Variants in BCL11B observed in about 807,000 individuals in gnomAD.
BCL11B encodes BCL11 transcription factor B.
BCL11B carries 8 observed loss-of-function variants against 49.9 expected under a neutral mutation model. The ratio of observed to expected loss-of-function variants is 0.16; its 90% CI spans 0.09 to 0.29. The LOEUF (loss-of-function observed/expected upper bound fraction) is 0.29. Ranked by LOEUF, BCL11B falls within the 10% of genes least tolerant of loss-of-function variation. BCL11B has a pLI of 1.00. For synonymous variants in BCL11B, 739 were observed against 637.4 expected (o/e 1.16, Z -2.40); for missense variants, 1,006 against 1,351.0 (o/e 0.74, Z 4.00).
intron 3 of BCL11B, among the ~76,000 whole-genome samples, chr14:99,180,642 G>C (rs1319796162): frequency 6.6e-6 from 1 of 152,188 alleles, no homozygotes; most frequent in Non-Finnish European, 1.5e-5. Context: ...GAGACCAAAT[G>C]AGCTCCTGTA....
At chr14:99,229,777 G>C (rs1370599462) in intron 3 of BCL11B, among the ~76,000 whole-genome samples, 5 of 151,926 alleles carry the variant, frequency 3.3e-5, no homozygotes, top group African/African-American at 4.8e-5. Context: ...CGATAGCATG[G>C]CCCCCCCAGT....
chr14:99,199,453 T>G (rs1189065347), intron 3 of BCL11B, among the ~76,000 whole-genome samples: 1 of 152,240 alleles, frequency 6.6e-6, no homozygotes, highest in Non-Finnish European at 1.5e-5. Flanking sequence ...GCTGAGAATC[T>G]GCACAGACGC....
chr14:99,226,780 T>C (rs1595263871), intron 3 of BCL11B, among the ~76,000 whole-genome samples: 1 of 152,204 alleles, frequency 6.6e-6, no homozygotes, highest in Admixed American at 6.5e-5. Flanking sequence ...GAGAAAAGGA[T>C]AGATTCTATG....
rs74080349 is a variant in BCL11B at position 99,203,631 on chromosome 14, T to C, written c.641-27436A>G. The stretch of plus-strand genomic sequence containing the variant: ...TCCCTACTCACAAGGAGTTCATTCA[T>C]TCACTCATTCATTCAGTGAGTCATT... On this transcript the variant is annotated intron_variant, in intron 3 of 3. Coordinates refer to ENST00000357195, the MANE Select transcript of BCL11B (RefSeq NM_138576.4). Among the ~76,000 whole-genome samples, 1,078 of 152,280 alleles carry C rather than the reference T, an allele frequency of 7.1e-3. 8 individuals carry two copies. Among genetic ancestry groups the C allele is most frequent in the African/African-American group, 0.025 (1,023 of 41,546 alleles).
intron 2 of BCL11B, among the ~76,000 whole-genome samples, chr14:99,240,681 TA>T (rs1436346676): frequency 3.9e-5 from 6 of 152,234 alleles, no homozygotes; most frequent in African/African-American, 1.4e-4. Flanking sequence ...CCTTCTTACT[TA>T]TTTTTTGACG....
intron 3 of BCL11B, among the ~76,000 whole-genome samples, chr14:99,212,673 C>T (rs574392579): frequency 1.3e-5 from 2 of 152,158 alleles, no homozygotes; most frequent in Non-Finnish European, 2.9e-5. Context: ...GCCCCGACCT[C>T]AGCAGAGACT....
chr14:99,266,253 C>T (rs1889479388), intron 1 of BCL11B, among the ~76,000 whole-genome samples: 1 of 152,176 alleles, frequency 6.6e-6, no homozygotes, highest in Non-Finnish European at 1.5e-5. Context: ...GATTTCCATT[C>T]ATCAAGCTGT....
rs1005224901 is a variant in BCL11B, at chr14:99,195,181, C to G, written c.641-18986G>C. 2.6e-5 allele frequency among the ~76,000 whole-genome samples: 4 copies of G among 152,188 alleles called. No individual in the cohort carries two copies. The highest frequency in any genetic ancestry group is 6.5e-5 in the Admixed American group (1 of 15,278). On this transcript the variant is annotated intron_variant, in intron 3 of 3. Transcript: ENST00000357195. This position sits in a 1 kb window ranked among gnomAD's most constrained non-coding sequence, Gnocchi z 4.7. ...AAAGTACCTAAAGCAAGCCAAGATG[C>G]GTTCTCAGGAAAATATGTGGAGCGA...
Position 99,253,990 on chromosome 14 carries a change from G to A in BCL11B, c.427+3481C>T, listed in dbSNP as rs560851409. Reference sequence around the variant, plus strand: ...AAACAAATTTCCAAGGACCTCCTCCGTCCACAGCGAATGCTCAGCAGGGAG... The same window carrying A: ...AAACAAATTTCCAAGGACCTCCTCCATCCACAGCGAATGCTCAGCAGGGAG... On this transcript the variant is annotated intron_variant, in intron 2 of 3. Coordinates refer to ENST00000357195, the MANE Select transcript of BCL11B (RefSeq NM_138576.4). Among the ~76,000 whole-genome samples the A allele has an allele frequency of 3.9e-5, 6 of 152,290 alleles. No homozygotes were observed. The East Asian group carries it at 7.7e-4, about 20-fold the overall frequency.
At position 99,257,602 on chromosome 14, in the gene BCL11B, G is replaced by A. The variant is rs1889207328; in HGVS notation, c.296C>T (p.Pro99Leu). 1 of 1,614,120 alleles carries A rather than the reference G, an allele frequency of 6.2e-7. No homozygotes were observed. Among genetic ancestry groups the A allele is most frequent in the Non-Finnish European group, 8.5e-7 (1 of 1,180,000 alleles). Residue 99 changes from proline to leucine, a missense_variant, in exon 2 of 4, where the codon CCA (proline) becomes CTA (leucine). By Grantham distance (98) the Pro-to-Leu change is moderately conservative. Transcript: ENST00000357195. The surrounding 1 kb of genome is among the most constrained non-coding windows in gnomAD (Gnocchi z 6.2). Reference sequence around the variant, plus strand: ...CCTGAGCTCGGAGCGTGAGGAGGGTGGCGGGCTGTCCTTGTCCAGGGCCTT... The same window carrying A: ...CCTGAGCTCGGAGCGTGAGGAGGGTAGCGGGCTGTCCTTGTCCAGGGCCTT... Reference protein sequence around the residue: ...YDKALDKDSPPPSSRSELRKV... With the variant: ...YDKALDKDSPLPSSRSELRKV...
In BCL11B at chr14:99,192,140, T is replaced by C. The variant is rs1222095727; in HGVS notation, c.641-15945A>G. Among the ~76,000 whole-genome samples the C allele has an allele frequency of 2.0e-5, 3 of 152,156 alleles. No homozygotes were observed. The highest frequency in any genetic ancestry group is 7.2e-5 in the African/African-American group (3 of 41,418). ...TGTAGAAACACTCCAAATCAGAAAG[T>C]CAATTTTTCCTCTATTTGCAGCAGT... On this transcript the variant is annotated intron_variant, in intron 3 of 3. Coordinates refer to ENST00000357195, the MANE Select transcript of BCL11B (RefSeq NM_138576.4). The surrounding 1 kb of genome is among the most constrained non-coding windows in gnomAD (Gnocchi z 4.0).
chr14:99,245,930 G>A (rs1469445881), intron 2 of BCL11B, among the ~76,000 whole-genome samples: 1 of 152,110 alleles, frequency 6.6e-6, no homozygotes, highest in Non-Finnish European at 1.5e-5. Flanking sequence ...GGCTGCTGCT[G>A]GGCTGGGGAC....
intron 3 of BCL11B, among the ~76,000 whole-genome samples, chr14:99,186,960 A>G (rs993993957): frequency 2.6e-5 from 4 of 152,162 alleles, no homozygotes; most frequent in Non-Finnish European, 5.9e-5. Flanking sequence ...GGCAGGAGTT[A>G]AACGATTCCA....
At chr14:99,226,045 T>C (rs1240411307) in intron 3 of BCL11B, among the ~76,000 whole-genome samples, 2 of 152,144 alleles carry the variant, frequency 1.3e-5, no homozygotes, top group Middle Eastern at 3.4e-3. Flanking sequence ...GGTGCTAGGG[T>C]GGAATCAACA....
chr14:99,229,767 C>T (rs1257416), intron 3 of BCL11B, among the ~76,000 whole-genome samples: 98,596 of 151,804 alleles, frequency 0.65, 32,179 homozygotes, highest in Admixed American at 0.72. Context: ...GGCTGATCTT[C>T]GATAGCATGG....
rs1257421 is a variant in BCL11B, at chr14:99,184,597, G to C, written c.641-8402C>G. Among the ~76,000 whole-genome samples the C allele has an allele frequency of 0.71, 108,635 of 152,086 alleles. 40,373 individuals are homozygous for C. Among genetic ancestry groups the C allele is most frequent in the African/African-American group, 0.93 (38,450 of 41,532 alleles). ...ACCCGGGTCCGTCTGACCCCAGAGCGTGTGCTGGGGTCCAGACTCACAACT... is the reference window on the plus strand; with the variant it reads ...ACCCGGGTCCGTCTGACCCCAGAGCCTGTGCTGGGGTCCAGACTCACAACT... On this transcript the variant is annotated intron_variant, in intron 3 of 3. Transcript: ENST00000357195. This position sits in a 1 kb window ranked among gnomAD's most constrained non-coding sequence, Gnocchi z 6.1.
intron 3 of BCL11B, among the ~76,000 whole-genome samples, chr14:99,226,437 C>T (rs1283461953): frequency 6.6e-6 from 1 of 152,148 alleles, no homozygotes. Flanking sequence ...GTCTCTGGCA[C>T]CCCCTGCACC....
intron 2 of BCL11B, among the ~76,000 whole-genome samples, chr14:99,255,178 G>A (rs574985711): frequency 2.6e-5 from 4 of 152,182 alleles, no homozygotes; most frequent in African/African-American, 9.6e-5. Flanking sequence ...AAAATGGGAT[G>A]GTCGTCTTCA....
At chr14:99,182,904 A>T (rs970288770) in intron 3 of BCL11B, among the ~76,000 whole-genome samples, 4 of 152,218 alleles carry the variant, frequency 2.6e-5, no homozygotes, top group African/African-American at 7.2e-5. Context: ...GTGGGATCAA[A>T]ATAGATTGGG....
Sources: gnomAD v4.1 joint callset for allele counts (sites outside exome capture counted in the v4.1 genomes callset) on GRCh38, gnomAD v4.1.1 for gene constraint, Gnocchi (gnomAD v3.1) non-coding constraint, MANE v1.5 for transcripts, NCBI Gene and HGNC (gene_info 2026-07-23, HGNC 2026-07-21) for gene names.